The following CCDC157 variants were observed in gnomAD, a reference collection of about 807,000 sequenced individuals.
CCDC157 encodes coiled-coil domain containing 157.
In CCDC157, 60 loss-of-function variants were observed where a neutral mutation model predicts 70.9. That is an observed-to-expected ratio of 0.85 (90% CI 0.69 to 1.05). The LOEUF (loss-of-function observed/expected upper bound fraction) is 1.05, where lower values mean the gene tolerates loss of function less well. Among genes scored for constraint, CCDC157 ranks in the 50% least tolerant of loss-of-function variants. The pLI is 0.00. For synonymous variants in CCDC157, 373 were observed against 422.4 expected (o/e 0.88, Z 1.43); for missense variants, 943 against 984.2 (o/e 0.96, Z 0.56).
rs769007761 is a variant in CCDC157 at position 30,369,574 on chromosome 22, G to T, written c.391G>T (p.Gly131Cys). 1 of 1,587,200 alleles carries T rather than the reference G, an allele frequency of 6.3e-7. No individual in the cohort carries two copies. The highest frequency in any genetic ancestry group is 8.6e-7 in the Non-Finnish European group (1 of 1,168,604). ...CTTCTGGGACAGCCTGCTGAGGCTG[G>T]GCACGCTCCACCAGCAGCCACTCCC... ...RRFWDSLLRL[G>C]TLHQQPLPQK... The change falls in exon 4 of 12, where the codon GGC becomes TGC. Residue 131 changes from glycine to cysteine, a missense_variant. Coordinates refer to ENST00000338306, the MANE Select transcript of CCDC157 (RefSeq NM_001017437.5).
intron 2 of CCDC157, among the ~76,000 whole-genome samples, chr22:30,363,626 T>G (rs988168207): frequency 6.6e-6 from 1 of 152,000 alleles, no homozygotes; most frequent in African/African-American, 2.4e-5. Context: ...GTGACTAGTT[T>G]ATAGTGATCT....
Position 30,373,654 on chromosome 22 carries a change from C to G in CCDC157, c.1393C>G (p.Arg465Gly). Residue 465 changes from arginine to glycine, a missense_variant, in exon 8 of 12, where the codon CGT becomes GGT. Transcript: ENST00000338306. ...LKQLDSLDQE[R>G]EELRGSLDEA... The stretch of plus-strand genomic sequence containing the variant: ...GCAGCTGGACAGCCTGGACCAGGAA[C>G]GTGAGGAGCTGCGGGGCAGCCTGGA... The G allele has an allele frequency of 2.6e-6, 4 of 1,558,752 alleles. No homozygotes were observed. Among genetic ancestry groups the G allele is most frequent in the Non-Finnish European group, 3.5e-6 (4 of 1,151,144 alleles).
intron 8 of CCDC157, 73 bp from the exon 9 acceptor site, chr22:30,373,850 G>C: frequency 6.5e-7 from 1 of 1,541,996 alleles, no homozygotes; most frequent in East Asian, 2.4e-5. Flanking sequence ...TTCTTGGGTA[G>C]GGACGGTGCC....
chr22:30,374,281 A>G (rs936434441), intron 9 of CCDC157, 190 bp downstream of exon 9: 2 of 683,286 alleles, frequency 2.9e-6, no homozygotes, highest in African/African-American at 1.8e-5. Context: ...TCCACTCTGC[A>G]TAGACAGGGA....
chr22:30,361,180 G>C (rs1179211611), intron 1 of CCDC157, among the ~76,000 whole-genome samples: 1 of 151,204 alleles, frequency 6.6e-6, no homozygotes, highest in Non-Finnish European at 1.5e-5. Context: ...CCCAGGAGGC[G>C]GAGGTTGTGG....
chr22:30,374,082 C>G lies in CCDC157; in HGVS notation c.1663C>G (p.Gln555Glu), dbSNP rs1933160189. Residue 555 changes from glutamine to glutamate, a missense_variant, in exon 9 of 12, where the codon CAG (glutamine) becomes GAG (glutamate). Gln to Glu is a conservative substitution (Grantham distance 29). Coordinates refer to ENST00000338306, the MANE Select transcript of CCDC157 (RefSeq NM_001017437.5). ...FPDLHRPTET[Q>E]IHGGRSSSVE... ...AGACCTGCACAGGCCCACCGAGACC[C>G]AGATCCATGGTAGGGGACTGGGGAT... The G allele has an allele frequency of 5.6e-6, 9 of 1,597,356 alleles. No individual in the cohort carries two copies. Among genetic ancestry groups the G allele is most frequent in the Non-Finnish European group, 7.7e-6 (9 of 1,173,238 alleles).
chr22:30,372,612 T>G, intron 7 of CCDC157: 1 of 250,504 alleles, frequency 4.0e-6, no homozygotes. Flanking sequence ...GAATCCAGAA[T>G]GGCTTCTAGG....
chr22:30,357,957 C>T (rs1208595721), intron 1 of CCDC157, among the ~76,000 whole-genome samples: 1 of 152,196 alleles, frequency 6.6e-6, no homozygotes, highest in African/African-American at 2.4e-5. Flanking sequence ...AGCCATCACG[C>T]AGGGCTGCTG....
rs1387955378 is a variant in CCDC157 at position 30,372,172 on chromosome 22, G to A, written c.1221G>A (p.Ala407=). The A allele has an allele frequency of 1.6e-5, 26 of 1,576,908 alleles. No individual in the cohort carries two copies. Among genetic ancestry groups the A allele is most frequent in the Middle Eastern group, 4.2e-4 (2 of 4,764 alleles). ...AGGAGCAGGTGCAGCAGTTGGAGGC[G>A]CAGGTGCAGCTGTTGGTGGGTCGGC... The part of the protein sequence containing the change: ...QLEEQVQQLE[A]QVQLLVGRLE... Residue 407 remains alanine, a synonymous_variant, in exon 7 of 12, where the codon GCG becomes GCA. Coordinates refer to ENST00000338306, the MANE Select transcript of CCDC157 (RefSeq NM_001017437.5).
rs1198319152 is a variant in CCDC157 at position 30,376,599 on chromosome 22, C to T, written c.2113C>T (p.Pro705Ser). The change falls in exon 12 of 12, where the codon CCC becomes TCC. Residue 705 changes from proline (P) to serine (S), a missense_variant. Pro to Ser is a moderately conservative substitution (Grantham distance 74). Coordinates refer to ENST00000338306, the MANE Select transcript of CCDC157 (RefSeq NM_001017437.5). ...CCCATCTCGGCAGCCCTGCAGCCAG[C>T]CCAGCAAGTCCTTGCTGGAGGGTGT... Reference protein sequence around the residue: ...TSPSRQPCSQPSKSLLEGVTH... With the variant: ...TSPSRQPCSQSSKSLLEGVTH... 6.2e-7 allele frequency: 1 copy of T among 1,613,824 alleles called. No individual in the cohort carries two copies. The highest frequency in any genetic ancestry group is 1.3e-5 in the African/African-American group (1 of 74,890).
rs1374016655 is a variant in CCDC157 at position 30,366,181 on chromosome 22, C to T, written c.181C>T (p.His61Tyr). The T allele has an allele frequency of 2.5e-6, 4 of 1,613,732 alleles. No individual in the cohort carries two copies. The highest frequency in any genetic ancestry group is 1.3e-5 in the African/African-American group (1 of 75,056). The change falls in exon 3 of 12, where the codon CAT (histidine) becomes TAT (tyrosine). Residue 61 changes from histidine (H) to tyrosine (Y), a missense_variant. Transcript: ENST00000338306. ...DMVALLEHYD[H>Y]VPGDPEFTQL... is the part of the protein sequence containing the mutation. ...GGTGGCCCTGCTGGAGCACTATGACCATGTTCCGGGTGACCCCGAGTTCAC... is the reference window on the plus strand; with the variant it reads ...GGTGGCCCTGCTGGAGCACTATGACTATGTTCCGGGTGACCCCGAGTTCAC...
At chr22:30,375,883 A>C (rs767095717) in intron 10 of CCDC157, 18 of 570,406 alleles carry the variant, frequency 3.2e-5, no homozygotes, top group Non-Finnish European at 5.2e-5. Flanking sequence ...TCATTCCTTT[A>C]AGTGCAGCAA....
In CCDC157 at chr22:30,373,940, G is replaced by A; in HGVS notation, c.1521G>A (p.Leu507=). ...TGTCCCAGGAGCTGCTGCAGAGCCT[G>A]CAGAGGGAGAAGCAAGGCCTGGAGC... ...LRAQQELLQS[L]QREKQGLEQA... Residue 507 remains leucine, a synonymous_variant, in exon 9 of 12, where the codon CTG becomes CTA. Transcript: ENST00000338306. 5.6e-6 allele frequency: 9 copies of A among 1,611,552 alleles called. No individual in the cohort carries two copies. The highest frequency in any genetic ancestry group is 7.6e-6 in the Non-Finnish European group (9 of 1,179,038).
chr22:30,360,229 C>T (rs534222382), intron 1 of CCDC157, among the ~76,000 whole-genome samples: 4 of 152,100 alleles, frequency 2.6e-5, no homozygotes, highest in South Asian at 2.1e-4. Context: ...ACCTGCCGGG[C>T]GCGGTGGCTC....
intron 1 of CCDC157, among the ~76,000 whole-genome samples, chr22:30,359,549 A>C (rs776016060): frequency 7.9e-5 from 12 of 152,218 alleles, no homozygotes; most frequent in Non-Finnish European, 1.6e-4. Context: ...GAATGCACAC[A>C]CAGCATCCAA....
intron 4 of CCDC157, 100 bp from the exon 5 acceptor site, chr22:30,370,226 C>T: frequency 7.5e-7 from 1 of 1,329,016 alleles, no homozygotes; most frequent in Non-Finnish European, 1.1e-6. Context: ...GAGTGTCAGG[C>T]AAGGCTGTCA....
rs1601714087 is a variant in CCDC157 at position 30,360,447 on chromosome 22, G to A, written c.-165-1514G>A. Among the ~76,000 whole-genome samples, 4 of 152,050 alleles carry A rather than the reference G, an allele frequency of 2.6e-5. No individual in the cohort carries two copies. In the East Asian group the frequency reaches 7.8e-4, roughly 30 times the overall value. On this transcript the variant is annotated intron_variant, in intron 1 of 11. Coordinates refer to ENST00000338306, the MANE Select transcript of CCDC157 (RefSeq NM_001017437.5). Reference sequence around the variant, plus strand: ...GTGAACCCAGGAGGCAGAGCTTGCAGTGAGCCGAGATCACGCCACTGCCCT... The same window carrying A: ...GTGAACCCAGGAGGCAGAGCTTGCAATGAGCCGAGATCACGCCACTGCCCT...
intron 4 of CCDC157, 192 bp from the exon 5 acceptor site, chr22:30,370,134 G>A (rs1932869499): frequency 2.8e-6 from 2 of 705,710 alleles, no homozygotes; most frequent in East Asian, 5.0e-5. Flanking sequence ...GAGGAGACCT[G>A]GCTGTAGTAA....
upstream of CCDC157, chr22:30,356,858 T>A (rs1474516364): frequency 8.0e-7 from 1 of 1,243,968 alleles, no homozygotes; most frequent in African/African-American, 1.6e-5. Context: ...CAAGACAGCC[T>A]CCCCGCTCGG....
Sources: allele counts gnomAD v4.1 joint callset (sites outside exome capture counted in the v4.1 genomes callset), GRCh38; gene constraint gnomAD v4.1.1; transcripts MANE v1.5; gene names NCBI Gene and HGNC (gene_info 2026-07-23, HGNC 2026-07-21).